The following DNER variants were observed in gnomAD, a reference collection of about 807,000 sequenced individuals.
The protein encoded by DNER is delta/notch like EGF repeat containing.
In DNER, 33 loss-of-function variants were observed where a neutral mutation model predicts 78.2. That is an observed-to-expected ratio of 0.42 (90% confidence interval 0.32 to 0.56). DNER has a LOEUF of 0.56. Ranked by LOEUF, DNER falls within the 20% of genes least tolerant of loss-of-function variation. The pLI is 0.11. For synonymous variants in DNER, 417 were observed against 384.8 expected, an observed-to-expected ratio of 1.08 and a Z score of -0.98; for missense variants, 918 against 975.3, an observed-to-expected ratio of 0.94 and a Z score of 0.78.
intron 6 of DNER, among the ~76,000 whole-genome samples, chr2:229,486,871 A>C (rs77153663): frequency 0.13 from 19,084 of 152,152 alleles, 1,345 homozygotes; most frequent in South Asian, 0.2. Flanking sequence ...CATCATTGTC[A>C]CAGACTTACT....
chr2:229,570,380 C>G (rs1431351962), intron 4 of DNER, among the ~76,000 whole-genome samples: 1 of 152,182 alleles, frequency 6.6e-6, no homozygotes. Flanking sequence ...CGCCTGTAAT[C>G]TCAGCACTTT....
At chr2:229,627,596 T>G (rs1012859240) in intron 1 of DNER, among the ~76,000 whole-genome samples, 1 of 152,140 alleles carries the variant, frequency 6.6e-6, no homozygotes, top group Non-Finnish European at 1.5e-5. Flanking sequence ...ATTGCATCAA[T>G]GAAACCATGA....
intron 5 of DNER, among the ~76,000 whole-genome samples, chr2:229,523,443 A>G (rs542089439): frequency 6.6e-6 from 1 of 152,238 alleles, no homozygotes; most frequent in Admixed American, 6.5e-5. Flanking sequence ...GCCCGTGGCC[A>G]TCTCCTCCCC....
intron 1 of DNER, among the ~76,000 whole-genome samples, chr2:229,665,658 T>G (rs1699080286): frequency 6.6e-6 from 1 of 152,218 alleles, no homozygotes; most frequent in African/African-American, 2.4e-5. Context: ...TTTACCCTAC[T>G]CAATGTTAGA....
intron 8 of DNER, among the ~76,000 whole-genome samples, chr2:229,427,445 A>C (rs1225138288): frequency 1.3e-5 from 2 of 152,236 alleles, no homozygotes; most frequent in Non-Finnish European, 2.9e-5. Flanking sequence ...GTGAGTAAAA[A>C]CAGATAAAGT....
intron 11 of DNER, among the ~76,000 whole-genome samples, chr2:229,371,368 C>T (rs999395571): frequency 6.6e-6 from 1 of 152,198 alleles, no homozygotes; most frequent in African/African-American, 2.4e-5. Flanking sequence ...TACAGCATGG[C>T]ACTGGGAAGA....
intron 1 of DNER, among the ~76,000 whole-genome samples, chr2:229,680,436 C>T (rs538837640): frequency 2.6e-5 from 4 of 152,304 alleles, no homozygotes; most frequent in African/African-American, 9.6e-5. Flanking sequence ...CTGGAAGTAC[C>T]TGGTAATTAA....
chr2:229,544,885 C>A (rs1696590391), intron 5 of DNER, among the ~76,000 whole-genome samples: 1 of 152,162 alleles, frequency 6.6e-6, no homozygotes, highest in African/African-American at 2.4e-5. Flanking sequence ...AGGAAAGTCA[C>A]AGGTTTTCTA....
rs573502101 is a variant in DNER, at chr2:229,444,759, G to A, written c.1486+2557C>T. 3.9e-5 allele frequency among the ~76,000 whole-genome samples: 6 copies of A among 152,124 alleles called. No individual in the cohort carries two copies. The South Asian group carries it at 1.2e-3, about 32-fold the overall frequency. On this transcript the variant is annotated intron_variant, in intron 8 of 12. Coordinates refer to ENST00000341772, the MANE Select transcript of DNER (RefSeq NM_139072.4). Reference sequence around the variant, plus strand: ...CAAAAATTAGCAGGGTGTGGTGGTGGGAGCCTGTAATCCCAACTACTTGGG... The same window carrying A: ...CAAAAATTAGCAGGGTGTGGTGGTGAGAGCCTGTAATCCCAACTACTTGGG...
At chr2:229,364,633 G>C (rs1408907789) in intron 12 of DNER, among the ~76,000 whole-genome samples, 1 of 152,126 alleles carries the variant, frequency 6.6e-6, no homozygotes, top group Non-Finnish European at 1.5e-5. Flanking sequence ...CACTGGTGCA[G>C]ATGCTCAGGG....
At chr2:229,430,799 C>T (rs191940462) in intron 8 of DNER, among the ~76,000 whole-genome samples, 38 of 151,360 alleles carry the variant, frequency 2.5e-4, no homozygotes, top group Non-Finnish European at 3.4e-4. Flanking sequence ...ATTATGTCAC[C>T]GATTACAAGG....
At chr2:229,705,919 C>T (rs1430209870) in intron 1 of DNER, among the ~76,000 whole-genome samples, 1 of 152,224 alleles carries the variant, frequency 6.6e-6, no homozygotes, top group Non-Finnish European at 1.5e-5. Flanking sequence ...GCCTCACATA[C>T]TTCCCTGGAA....
chr2:229,500,591 T>C (rs1695598938), intron 6 of DNER, among the ~76,000 whole-genome samples: 2 of 152,224 alleles, frequency 1.3e-5, no homozygotes, highest in Admixed American at 1.3e-4. Context: ...ATCATGTTCA[T>C]TGTAGCATTA....
intron 4 of DNER, among the ~76,000 whole-genome samples, chr2:229,570,787 G>C (rs1292458675): frequency 1.3e-5 from 2 of 152,112 alleles, no homozygotes; most frequent in African/African-American, 4.8e-5. Context: ...CAAAGCAGGT[G>C]GGGGAGGGAG....
Position 229,378,489 on chromosome 2 carries a change from C to A in DNER, c.1855+9776G>T, listed in dbSNP as rs943839003. On this transcript the variant is annotated intron_variant, in intron 11 of 12. Coordinates refer to ENST00000341772, the MANE Select transcript of DNER (RefSeq NM_139072.4). Reference sequence around the variant, plus strand: ...AAGGGAAAGCAGGACACTGTGGCTACTGCAGAGGCAGCAAGGAAGACAGGC... The same window carrying A: ...AAGGGAAAGCAGGACACTGTGGCTAATGCAGAGGCAGCAAGGAAGACAGGC... Among the ~76,000 whole-genome samples, 8 of 152,306 alleles carry A rather than the reference C, an allele frequency of 5.3e-5. No individual in the cohort carries two copies. In the East Asian group the frequency reaches 7.7e-4, roughly 15 times the overall value.
At chr2:229,690,926 T>G (rs1559210824) in intron 1 of DNER, among the ~76,000 whole-genome samples, 1 of 152,260 alleles carries the variant, frequency 6.6e-6, no homozygotes, top group Non-Finnish European at 1.5e-5. Flanking sequence ...ATGGCCAAGT[T>G]CATCCTTATC....
At chr2:229,512,743 G>A (rs771603023) in intron 6 of DNER, 40 bp downstream of exon 6, 1 of 1,611,578 alleles carries the variant, frequency 6.2e-7, no homozygotes, top group Non-Finnish European at 8.5e-7. Context: ...ATGCTGTACA[G>A]ACATACACCT....
intron 7 of DNER, among the ~76,000 whole-genome samples, chr2:229,458,653 C>A (rs553525953): frequency 5.3e-5 from 8 of 149,982 alleles, no homozygotes; most frequent in African/African-American, 2.0e-4. Context: ...AAAAAAAAAA[C>A]TATGGCTAAT....
intron 6 of DNER, among the ~76,000 whole-genome samples, chr2:229,498,776 G>A (rs1329594951): frequency 6.6e-6 from 1 of 152,090 alleles, no homozygotes; most frequent in African/African-American, 2.4e-5. Flanking sequence ...AAAAATAAAT[G>A]GAAAGATTTC....
Sources: allele counts gnomAD v4.1 joint callset (sites outside exome capture counted in the v4.1 genomes callset), GRCh38; gene constraint gnomAD v4.1.1; transcripts MANE v1.5; gene names NCBI Gene and HGNC (gene_info 2026-07-23, HGNC 2026-07-21).